Variants in SND1 observed in about 807,000 individuals in gnomAD.
The protein encoded by SND1 is staphylococcal nuclease domain-containing protein 1.
SND1 carries 38 observed loss-of-function variants against 121.7 expected under a neutral mutation model. The ratio of observed to expected loss-of-function variants is 0.31; its 90% CI spans 0.24 to 0.41. SND1 has a LOEUF of 0.41. Among genes scored for constraint, SND1 ranks in the 10% least tolerant of loss-of-function variants. SND1 has a pLI of 1.00. For missense variants in SND1, 868 were observed against 1,184.6 expected (o/e 0.73, Z 3.92); for synonymous variants, 401 against 447.4 (o/e 0.90, Z 1.31).
In SND1 at chr7:127,797,605, A is replaced by G. The variant is rs530237917; in HGVS notation, c.1153-9879A>G. On this transcript the variant is annotated intron_variant, in intron 10 of 23. Transcript: ENST00000354725. ...TGTTGGAAGCCATGCCTGCACAGGG[A>G]AAGGAAGATGGGGCAGGGCCCCAGC... Among the ~76,000 whole-genome samples the G allele has an allele frequency of 2.0e-3, 310 of 152,330 alleles. 1 individual carries two copies. Among genetic ancestry groups the G allele is most frequent in the African/African-American group, 7.3e-3 (302 of 41,580 alleles).
At chr7:127,851,378 T>G (rs1314176128) in intron 12 of SND1, among the ~76,000 whole-genome samples, 3 of 152,238 alleles carry the variant, frequency 2.0e-5, no homozygotes, top group East Asian at 3.8e-4. Flanking sequence ...GTTGTAACTT[T>G]TGCTTCATGT....
intron 16 of SND1, among the ~76,000 whole-genome samples, chr7:128,004,447 T>C (rs1802912355): frequency 6.6e-6 from 1 of 151,834 alleles, no homozygotes; most frequent in Non-Finnish European, 1.5e-5. Context: ...GTTGGTAGAA[T>C]AGGAGAACTG....
intron 16 of SND1, among the ~76,000 whole-genome samples, chr7:128,055,986 T>C (rs574432253): frequency 6.6e-6 from 1 of 152,346 alleles, no homozygotes; most frequent in African/African-American, 2.4e-5. Context: ...AATTCTAGCC[T>C]CTCCATTGAT....
At chr7:127,753,458 T>C (rs1040273829) in intron 10 of SND1, among the ~76,000 whole-genome samples, 4 of 152,178 alleles carry the variant, frequency 2.6e-5, no homozygotes, top group Non-Finnish European at 5.9e-5. Flanking sequence ...TAAACTTTTT[T>C]TTTTTTAAAT....
chr7:127,974,860 G>A (rs539080877), intron 15 of SND1, among the ~76,000 whole-genome samples: 1 of 152,306 alleles, frequency 6.6e-6, no homozygotes, highest in South Asian at 2.1e-4. Flanking sequence ...GTCTCCCTAG[G>A]ATGGTTGACT....
intron 10 of SND1, among the ~76,000 whole-genome samples, chr7:127,769,831 C>T (rs1797483786): frequency 6.6e-6 from 1 of 152,158 alleles, no homozygotes; most frequent in African/African-American, 2.4e-5. Context: ...CTTTTTGTAG[C>T]CCACTGCTGG....
At chr7:127,971,908 G>T (rs573198119) in intron 15 of SND1, among the ~76,000 whole-genome samples, 2 of 151,738 alleles carry the variant, frequency 1.3e-5, no homozygotes, top group Admixed American at 1.3e-4. Flanking sequence ...AAGTAACTGG[G>T]ATTACAGGTG....
At chr7:128,061,007 G>A (rs528512838) in intron 16 of SND1, among the ~76,000 whole-genome samples, 6 of 152,296 alleles carry the variant, frequency 3.9e-5, no homozygotes, top group African/African-American at 1.4e-4. Flanking sequence ...AACAGAATTG[G>A]GAGGTGGAGC....
chr7:127,913,947 G>T (rs139137253), intron 14 of SND1, among the ~76,000 whole-genome samples: 5 of 152,084 alleles, frequency 3.3e-5, no homozygotes, highest in African/African-American at 1.2e-4. Flanking sequence ...AGACTATGTC[G>T]TACAGAATTT....
intron 12 of SND1, among the ~76,000 whole-genome samples, chr7:127,866,882 C>T (rs972054369): frequency 6.6e-6 from 1 of 152,144 alleles, no homozygotes; most frequent in Non-Finnish European, 1.5e-5. Flanking sequence ...GTTATGCTTG[C>T]TTTCTTACCT....
intron 15 of SND1, among the ~76,000 whole-genome samples, chr7:127,943,810 C>G (rs1801268356): frequency 6.6e-6 from 1 of 152,164 alleles, no homozygotes; most frequent in African/African-American, 2.4e-5. Context: ...CTTAACTGTG[C>G]TGATGAAAGC....
At chr7:127,835,324 G>T (rs543264529) in intron 11 of SND1, among the ~76,000 whole-genome samples, 1 of 152,266 alleles carries the variant, frequency 6.6e-6, no homozygotes, top group African/African-American at 2.4e-5. Flanking sequence ...TGTGCTGCTT[G>T]TGTGGCTGGA....
chr7:127,701,841 A>G (rs1796110112), intron 5 of SND1, among the ~76,000 whole-genome samples: 1 of 152,180 alleles, frequency 6.6e-6, no homozygotes, highest in Non-Finnish European at 1.5e-5. Context: ...ATTACTTACA[A>G]TACCTATTAT....
At chr7:127,678,052 G>A (rs1795645279) in intron 1 of SND1, among the ~76,000 whole-genome samples, 1 of 152,156 alleles carries the variant, frequency 6.6e-6, no homozygotes, top group Admixed American at 6.5e-5. Flanking sequence ...TCCAACACCT[G>A]TTCTACTGGC....
At chr7:127,772,881 T>TA (rs1052145608) in intron 10 of SND1, among the ~76,000 whole-genome samples, 5 of 152,260 alleles carry the variant, frequency 3.3e-5, no homozygotes, top group African/African-American at 1.2e-4. Context: ...TCCTTTTTGA[T>TA]ATAATAGGTA....
chr7:127,830,841 A>G (rs903944754), intron 11 of SND1, among the ~76,000 whole-genome samples: 7 of 152,154 alleles, frequency 4.6e-5, no homozygotes, highest in African/African-American at 1.4e-4. Context: ...GTCTAGGAGT[A>G]GATAACAAGC....
At chr7:127,818,197 G>A (rs887009204) in intron 11 of SND1, among the ~76,000 whole-genome samples, 1 of 152,124 alleles carries the variant, frequency 6.6e-6, no homozygotes. Context: ...TTAAAAATAG[G>A]TTGGATAAAT....
At chr7:127,913,354 A>G (rs1025963256) in intron 14 of SND1, among the ~76,000 whole-genome samples, 12 of 152,328 alleles carry the variant, frequency 7.9e-5, no homozygotes, top group African/African-American at 2.2e-4. Context: ...AGCATTTGCA[A>G]CAGGGTCCTA....
chr7:127,662,397 T>G (rs1434514362), intron 1 of SND1, among the ~76,000 whole-genome samples: 11 of 152,242 alleles, frequency 7.2e-5, no homozygotes, highest in Non-Finnish European at 8.8e-5. Flanking sequence ...GTATATTATC[T>G]ATTTTTCTGT....
Sources: gnomAD v4.1 joint callset for allele counts (sites outside exome capture counted in the v4.1 genomes callset) on GRCh38, gnomAD v4.1.1 for gene constraint, MANE v1.5 for transcripts, NCBI Gene and HGNC (gene_info 2026-07-23, HGNC 2026-07-21) for gene names.